Variants in ZXDC observed in about 807,000 individuals in gnomAD.
The protein encoded by ZXDC is ZXD family zinc finger C.
A neutral mutation model predicts 63.6 loss-of-function variants in ZXDC; 58 were observed. The observed-to-expected ratio is 0.91, with a 90% confidence interval of 0.74 to 1.13. The LOEUF is 1.13. Among genes scored for constraint, ZXDC ranks in the 50% most tolerant of loss-of-function variants. The pLI is 0.00. For missense variants in ZXDC, 1,133 were observed against 1,148.9 expected, an observed-to-expected ratio of 0.99 and a Z score of 0.20; for synonymous variants, 561 against 496.1, an observed-to-expected ratio of 1.13 and a Z score of -1.74.
intron 5 of ZXDC, 138 bp downstream of exon 5, chr3:126,466,017 C>G: frequency 1.1e-6 from 1 of 948,188 alleles, no homozygotes; most frequent in Non-Finnish European, 1.6e-6. Flanking sequence ...GCAAAAGAGG[C>G]CACTTGGCTT....
At position 126,475,550 on chromosome 3, in the gene ZXDC, T is replaced by C. The variant is rs755016023; in HGVS notation, c.316A>G (p.Ser106Gly). Residue 106 changes from serine (S) to glycine (G), a missense_variant, in exon 1 of 10, where the codon AGC (serine) becomes GGC (glycine). Transcript: ENST00000389709. Reference protein sequence around the residue: ...AEPGSRVNLASRPEQGPSGPA... With the variant: ...AEPGSRVNLAGRPEQGPSGPA... ...CCGCTGGGGCCCTGCTCGGGGCGGC[T>C]CGCCAGGTTGACACGGGAGCCAGGC... is the stretch of plus-strand genomic sequence containing the variant. The C allele has an allele frequency of 2.9e-6, 4 of 1,379,218 alleles. No individual in the cohort carries two copies. In the Admixed American group the frequency reaches 1.1e-4, roughly 38 times the overall value. The allele number at this position is 1,379,218 out of a possible 1,614,324, so 85.4% of individuals were successfully genotyped here. A position where few individuals can be genotyped will look rare whatever the true frequency, so the allele number is the denominator to read the frequency against.
chr3:126,459,631 G>A (rs576117571), intron 7 of ZXDC, 22 bp downstream of exon 7: 1 of 1,613,964 alleles, frequency 6.2e-7, no homozygotes, highest in South Asian at 1.1e-5. Context: ...TGCTCGTCCG[G>A]CTGCAGCACA....
chr3:126,465,052 G>A (rs1471861641), intron 5 of ZXDC, among the ~76,000 whole-genome samples: 2 of 152,204 alleles, frequency 1.3e-5, no homozygotes, highest in South Asian at 2.1e-4. Flanking sequence ...CCTTGCCAAC[G>A]CGGCAGCTGT....
At chr3:126,449,730 T>TAGG (rs1934022075) in intron 7 of ZXDC, among the ~76,000 whole-genome samples, 1 of 152,116 alleles carries the variant, frequency 6.6e-6, no homozygotes, top group Non-Finnish European at 1.5e-5. Context: ...AGGCCGACCT[T>TAGG]CACCCTCAAT....
chr3:126,440,193 AG>A, intron 8 of ZXDC: 1 of 999,106 alleles, frequency 1.0e-6, no homozygotes, highest in African/African-American at 1.7e-5. Flanking sequence ...GGCTCCTGAG[AG>A]GGGAGGCTGC....
In ZXDC at chr3:126,439,688, C is replaced by T. The variant is rs771850008; in HGVS notation, c.2434G>A (p.Gly812Ser). The change falls in exon 9 of 10, where the codon GGC becomes AGC. Residue 812 changes from glycine to serine, a missense_variant. Coordinates refer to ENST00000389709, the MANE Select transcript of ZXDC (RefSeq NM_025112.5). The stretch of plus-strand genomic sequence containing the variant: ...AGGAAGGGGAGGAAGGTGGCTGGGC[C>T]GCGGGCCGAGGGCAGGACACCTTCG... Reference protein sequence around the residue: ...SGEGVLPSARGPATFLPFLTV... With the variant: ...SGEGVLPSARSPATFLPFLTV... 9.7e-6 allele frequency: 15 copies of T among 1,552,926 alleles called. No individual in the cohort carries two copies. The highest frequency in any genetic ancestry group is 1.7e-4 in the Middle Eastern group (1 of 5,996).
chr3:126,440,797 GCCC>G (rs1187557771), intron 8 of ZXDC: 12 of 986,390 alleles, frequency 1.2e-5, no homozygotes, highest in African/African-American at 3.5e-5. Flanking sequence ...CCTCTTCCCT[GCCC>G]CCTTCCCAGC....
At chr3:126,474,889 G>A (rs1310898616) in intron 1 of ZXDC, 70 bp downstream of exon 1, 2 of 1,481,478 alleles carry the variant, frequency 1.3e-6, no homozygotes, top group Admixed American at 2.2e-5. Flanking sequence ...GCCCCTCTGT[G>A]GGGCGGACGT....
Position 126,475,065 on chromosome 3 carries a change from C to A in ZXDC, c.801G>T (p.Leu267=). 5 of 1,605,624 alleles carry A rather than the reference C, an allele frequency of 3.1e-6. No homozygotes were observed. The highest frequency in any genetic ancestry group is 3.4e-6 in the Non-Finnish European group (4 of 1,176,142). ...GCTCGGCGCACACCTCGCACTTGAA[C>A]AGGCTCTCCTGCTCGTGGCCCTTCA... ...AHMKGHEQES[L]FKCEVCAERF... The change falls in exon 1 of 10, where the codon CTG becomes CTT. Residue 267 remains leucine (L), a synonymous_variant. Coordinates refer to ENST00000389709, the MANE Select transcript of ZXDC (RefSeq NM_025112.5).
At chr3:126,471,136 A>G (rs1934965587) in intron 3 of ZXDC, 111 bp from the exon 4 acceptor site, 20 of 1,415,568 alleles carry the variant, frequency 1.4e-5, no homozygotes, top group Non-Finnish European at 1.9e-5. Context: ...AAAAATGATC[A>G]GTACATTTCG....
chr3:126,443,835 C>T (rs1933773894), intron 7 of ZXDC, among the ~76,000 whole-genome samples: 1 of 152,002 alleles, frequency 6.6e-6, no homozygotes, highest in South Asian at 2.1e-4. Context: ...ATTAGTAATG[C>T]AAAACAAATC....
At chr3:126,455,145 CA>C in intron 7 of ZXDC, 2 of 972,552 alleles carry the variant, frequency 2.1e-6, no homozygotes, top group South Asian at 9.5e-5. Context: ...CAAAAAATCC[CA>C]AACCCAATTT....
At chr3:126,468,477 C>T (rs2107655696) in intron 4 of ZXDC, among the ~76,000 whole-genome samples, 1 of 152,318 alleles carries the variant, frequency 6.6e-6, no homozygotes, top group East Asian at 1.9e-4. Context: ...GCTCCTCCCA[C>T]CAGCTCCAAC....
At chr3:126,454,589 A>G in intron 7 of ZXDC, 3 of 985,424 alleles carry the variant, frequency 3.0e-6, no homozygotes, top group Non-Finnish European at 3.6e-6. Context: ...CCATGTATTC[A>G]ATCTTCGTCT....
At chr3:126,474,678 C>A (rs1392214189) in intron 1 of ZXDC, among the ~76,000 whole-genome samples, 1 of 152,238 alleles carries the variant, frequency 6.6e-6, no homozygotes, top group Admixed American at 6.5e-5. Context: ...TGTGAAGATG[C>A]GTGCCGCTTT....
chr3:126,451,401 C>G (rs1934093798), intron 7 of ZXDC: 1 of 985,306 alleles, frequency 1.0e-6, no homozygotes, highest in Admixed American at 6.1e-5. Context: ...CAGTCCCGCA[C>G]TGAGCAGCAG....
At position 126,461,852 on chromosome 3, in the gene ZXDC, C is replaced by T. The variant is rs1342412264; in HGVS notation, c.1810G>A (p.Val604Met). The change falls in exon 6 of 10, where the codon GTG (valine) becomes ATG (methionine). Residue 604 changes from valine (V) to methionine (M), a missense_variant. By Grantham distance (21) the Val-to-Met change is conservative. Coordinates refer to ENST00000389709, the MANE Select transcript of ZXDC (RefSeq NM_025112.5). ...AGACAGCCTAATGCTCCTGCACTCACAGTCTGCACGTCATCCACACTGAAG... is the reference window on the plus strand; with the variant it reads ...AGACAGCCTAATGCTCCTGCACTCATAGTCTGCACGTCATCCACACTGAAG... ...GSFSVDDVQT[V>M]SAGALGCLVA... The T allele has an allele frequency of 3.7e-6, 6 of 1,614,094 alleles. No homozygotes were observed. In the East Asian group the frequency reaches 1.1e-4, roughly 30 times the overall value.
In ZXDC at chr3:126,444,986, G is replaced by A. The variant is rs113599076; in HGVS notation, c.2213-3040C>T. On this transcript the variant is annotated intron_variant, in intron 7 of 9. Transcript: ENST00000389709. The stretch of plus-strand genomic sequence containing the variant: ...AACAGGAAAAAAGATAGGCTGTAAC[G>A]AGAATATCTCATGACAAGCTAAATT... Among the ~76,000 whole-genome samples, 381 of 152,230 alleles carry A rather than the reference G, an allele frequency of 2.5e-3. 1 individual carries two copies. Among genetic ancestry groups the A allele is most frequent in the African/African-American group, 8.5e-3 (355 of 41,528 alleles).
In ZXDC at chr3:126,475,356, G is replaced by A. The variant is rs1935155943; in HGVS notation, c.510C>T (p.Pro170=). 5 of 1,483,174 alleles carry A rather than the reference G, an allele frequency of 3.4e-6. No individual in the cohort carries two copies. In the East Asian group the frequency reaches 1.0e-4, roughly 30 times the overall value. 91.9% of individuals were successfully genotyped at this position (1,483,174 alleles called of 1,614,324 possible). A position where few individuals can be genotyped will look rare whatever the true frequency, so the allele number is the denominator to read the frequency against. The change falls in exon 1 of 10, where the codon CCC becomes CCT. Residue 170 remains proline (P), a synonymous_variant. Coordinates refer to ENST00000389709, the MANE Select transcript of ZXDC (RefSeq NM_025112.5). ...CGGGGCAGCGGTAGCCGGGCGTGCT[G>A]GGGCCGGAGGCCTGGGGCGCGCGGC... ...APRRAPQASG[P]STPGYRCPEP...
Sources: gnomAD v4.1 joint callset for allele counts (sites outside exome capture counted in the v4.1 genomes callset) on GRCh38, gnomAD v4.1.1 for gene constraint, MANE v1.5 for transcripts, NCBI Gene and HGNC (gene_info 2026-07-23, HGNC 2026-07-21) for gene names.